Variants in KIF26B observed in about 807,000 individuals in gnomAD.
KIF26B encodes kinesin family member 26B, also known as kinesin-like protein KIF26B.
KIF26B carries 63 observed loss-of-function variants against 151.2 expected under a neutral mutation model. The ratio of observed to expected loss-of-function variants is 0.42; its 90% CI spans 0.34 to 0.51. The LOEUF (loss-of-function observed/expected upper bound fraction) is 0.51, where lower values mean the gene tolerates loss of function less well. Ranked by LOEUF, KIF26B falls within the 20% of genes least tolerant of loss-of-function variation. The pLI is 0.07. For synonymous variants in KIF26B, 1,357 were observed against 1,262.1 expected (o/e 1.08, Z -1.59); for missense variants, 2,813 against 2,913.6 (o/e 0.97, Z 0.79).
intron 4 of KIF26B, among the ~76,000 whole-genome samples, chr1:245,421,935 T>C (rs550641123): frequency 1.3e-5 from 2 of 151,948 alleles, no homozygotes; most frequent in East Asian, 3.9e-4. Context: ...GAATAACAAA[T>C]CACTAGCGAA....
rs150742397 is a variant in KIF26B at position 245,492,644 on chromosome 1, A to G, written c.1167-48123A>G. 2.8e-3 allele frequency among the ~76,000 whole-genome samples: 420 copies of G among 152,318 alleles called. 1 individual carries two copies. Among genetic ancestry groups the G allele is most frequent in the Non-Finnish European group, 4.6e-3 (312 of 68,036 alleles). ...TGACCAAAGGACATTTTTCAAACTG[A>G]CCTAAGCCAATTTGGTATCTGCAGT... is the stretch of plus-strand genomic sequence containing the variant. On this transcript the variant is annotated intron_variant, in intron 4 of 14. Transcript: ENST00000407071.
At chr1:245,480,260 C>CAGAG (rs10635235) in intron 4 of KIF26B, among the ~76,000 whole-genome samples, 150,381 of 150,770 alleles carry the variant, frequency 1, 75,000 homozygotes, top group Non-Finnish European at 1. Context: ...GCCTGAGCAA[C>CAGAG]AAAGACCCTG....
intron 2 of KIF26B, among the ~76,000 whole-genome samples, chr1:245,354,660 C>T (rs1460442349): frequency 6.6e-6 from 1 of 152,180 alleles, no homozygotes; most frequent in Non-Finnish European, 1.5e-5. Context: ...CGTGGCCATA[C>T]ACAGCCACCA....
chr1:245,351,027 T>C (rs981298125), intron 2 of KIF26B, among the ~76,000 whole-genome samples: 8 of 152,204 alleles, frequency 5.3e-5, no homozygotes, highest in African/African-American at 1.9e-4. Flanking sequence ...ACATGTATTC[T>C]AACAAGCATG....
In KIF26B at chr1:245,609,211, G is replaced by A. The variant is rs192817598; in HGVS notation, c.1652-55G>A. The A allele has an allele frequency of 1.9e-4, 284 of 1,494,508 alleles. 2 individuals carry two copies. The East Asian group carries it at 5.0e-3, about 26-fold the overall frequency. The allele number at this position is 1,494,508 out of a possible 1,614,324, so 92.6% of individuals were successfully genotyped here. A position where few individuals can be genotyped will look rare whatever the true frequency, so the allele number is the denominator to read the frequency against. On this transcript the variant is annotated intron_variant, in intron 7 of 14. Coordinates refer to ENST00000407071, the MANE Select transcript of KIF26B (RefSeq NM_018012.4). ...CCTTGGCATCTATTTTGGAGACTCC[G>A]TGGAATGATGCCTGGACACTGAACC...
Position 245,352,660 on chromosome 1 carries a change from T to A in KIF26B, c.466-14174T>A, listed in dbSNP as rs1346237714. 1.3e-5 allele frequency among the ~76,000 whole-genome samples: 2 copies of A among 152,138 alleles called. No individual in the cohort carries two copies. The highest frequency in any genetic ancestry group is 4.8e-5 in the African/African-American group (2 of 41,394). ...ACCACAACAATCACTTTACGAACAT[T>A]TTTTTAACTTTTTCAGAATCGATTC... On this transcript the variant is annotated intron_variant, in intron 2 of 14. Coordinates refer to ENST00000407071, the MANE Select transcript of KIF26B (RefSeq NM_018012.4). The surrounding 1 kb of genome is among the most constrained non-coding windows in gnomAD (Gnocchi z 5.0).
chr1:245,597,400 G>T lies in KIF26B; in HGVS notation c.1351-5177G>T, dbSNP rs1240962979. Among the ~76,000 whole-genome samples the T allele has an allele frequency of 6.6e-6, 1 of 152,144 alleles. No individual in the cohort carries two copies. The highest frequency in any genetic ancestry group is 1.5e-5 in the Non-Finnish European group (1 of 68,040). Reference sequence around the variant, plus strand: ...TCCTTTGCTTATGAAGCTTAGTTTGGCTGGATATGAAATTCTGGGTTGAAA... The same window carrying T: ...TCCTTTGCTTATGAAGCTTAGTTTGTCTGGATATGAAATTCTGGGTTGAAA... On this transcript the variant is annotated intron_variant, in intron 5 of 14. Coordinates refer to ENST00000407071, the MANE Select transcript of KIF26B (RefSeq NM_018012.4). The surrounding 1 kb of genome is among the most constrained non-coding windows in gnomAD (Gnocchi z 4.6).
intron 2 of KIF26B, among the ~76,000 whole-genome samples, chr1:245,349,070 A>C (rs1209438830): frequency 2.0e-5 from 3 of 151,950 alleles, no homozygotes. Flanking sequence ...TTCAGAAGAG[A>C]CCTCCGTGAG....
intron 3 of KIF26B, among the ~76,000 whole-genome samples, chr1:245,402,935 G>C (rs771658387): frequency 2.5e-4 from 38 of 152,170 alleles, no homozygotes; most frequent in Non-Finnish European, 3.8e-4. Flanking sequence ...TTGTAAGTCT[G>C]TACTGGAGTG....
At chr1:245,348,428 G>T (rs1397588963) in intron 2 of KIF26B, among the ~76,000 whole-genome samples, 1 of 152,194 alleles carries the variant, frequency 6.6e-6, no homozygotes, top group African/African-American at 2.4e-5. Flanking sequence ...CGACAGAAAT[G>T]TATGTATTTC....
At chr1:245,496,888 G>A (rs1241766990) in intron 4 of KIF26B, among the ~76,000 whole-genome samples, 1 of 152,078 alleles carries the variant, frequency 6.6e-6, no homozygotes, top group Non-Finnish European at 1.5e-5. Context: ...ACCAATATAA[G>A]CTGGCATAGT....
intron 3 of KIF26B, among the ~76,000 whole-genome samples, chr1:245,368,401 C>A (rs930794643): frequency 6.6e-6 from 1 of 152,108 alleles, no homozygotes; most frequent in African/African-American, 2.4e-5. Flanking sequence ...TGGGAAGCAG[C>A]AGAGAGCATT....
rs1572214323 is a variant in KIF26B at position 245,699,106 on chromosome 1, C to T, written c.6178+69C>T. On this transcript the variant is annotated intron_variant, in intron 14 of 14. Coordinates refer to ENST00000407071, the MANE Select transcript of KIF26B (RefSeq NM_018012.4). Reference sequence around the variant, plus strand: ...CCTGCTCAACCGGGCTGGCGTGTAGCCCAGGGTGACAGTGACACAGGCTGT... The same window carrying T: ...CCTGCTCAACCGGGCTGGCGTGTAGTCCAGGGTGACAGTGACACAGGCTGT... 6.0e-6 allele frequency: 9 copies of T among 1,499,426 alleles called. No homozygotes were observed. In the East Asian group the frequency reaches 2.0e-4, roughly 34 times the overall value. 92.9% of individuals were successfully genotyped at this position (1,499,426 alleles called of 1,614,324 possible).
intron 2 of KIF26B, among the ~76,000 whole-genome samples, chr1:245,194,885 T>G (rs535351201): frequency 6.6e-6 from 1 of 151,698 alleles, no homozygotes; most frequent in Non-Finnish European, 1.5e-5. Context: ...TGTATGGGGG[T>G]GTGTGTGTGT....
At position 245,688,647 on chromosome 1, in the gene KIF26B, G is replaced by A. The variant is rs1251503896; in HGVS notation, c.5664G>A (p.Leu1888=). 3.1e-6 allele frequency: 5 copies of A among 1,604,076 alleles called. No individual in the cohort carries two copies. In the South Asian group the frequency reaches 4.5e-5, roughly 14 times the overall value. Residue 1888 remains leucine, a synonymous_variant, in exon 12 of 15, where the codon CTG becomes CTA. Coordinates refer to ENST00000407071, the MANE Select transcript of KIF26B (RefSeq NM_018012.4). The part of the protein sequence containing the change: ...ELPPAMGKTA[L]FYHSGGSSGY... ...CGCCGGCCATGGGGAAGACGGCCCT[G>A]TTCTACCACAGCGGCGGCAGCAGCG...
chr1:245,639,366 T>A (rs150882204), intron 9 of KIF26B, among the ~76,000 whole-genome samples: 4 of 151,976 alleles, frequency 2.6e-5, no homozygotes, highest in African/African-American at 9.6e-5. Context: ...TTCTGTTTTT[T>A]CTTAGTCTAA....
chr1:245,629,484 C>T (rs901036441), intron 9 of KIF26B, among the ~76,000 whole-genome samples: 2 of 152,048 alleles, frequency 1.3e-5, no homozygotes, highest in African/African-American at 4.8e-5. Context: ...CTGACAAAAA[C>T]AAGCAATGGA....
intron 2 of KIF26B, among the ~76,000 whole-genome samples, chr1:245,275,817 A>G (rs771432342): frequency 2.6e-5 from 4 of 152,098 alleles, no homozygotes; most frequent in African/African-American, 4.8e-5. Flanking sequence ...GACTCCCTTT[A>G]GTAATTCTTG....
chr1:245,197,757 G>C (rs1669220694), intron 2 of KIF26B, among the ~76,000 whole-genome samples: 1 of 152,138 alleles, frequency 6.6e-6, no homozygotes, highest in Non-Finnish European at 1.5e-5. Context: ...AGTGACACAG[G>C]AGATATTTTG....
Sources: allele counts gnomAD v4.1 joint callset (sites outside exome capture counted in the v4.1 genomes callset), GRCh38; gene constraint gnomAD v4.1.1; non-coding constraint Gnocchi (gnomAD v3.1); transcripts MANE v1.5; gene names NCBI Gene and HGNC (gene_info 2026-07-23, HGNC 2026-07-21).